AMD1: variants seen among roughly 807,000 people sequenced by gnomAD.
The protein encoded by AMD1 is adenosylmethionine decarboxylase 1.
In AMD1, 11 loss-of-function variants were observed where a neutral mutation model predicts 40.2. The observed-to-expected ratio is 0.27, with a 90% CI of 0.17 to 0.45. The LOEUF (loss-of-function observed/expected upper bound fraction) is 0.45. Among genes scored for constraint, AMD1 ranks in the 20% least tolerant of loss-of-function variants. AMD1 has a pLI of 1.00. For missense variants in AMD1, 257 were observed against 410.2 expected, an observed-to-expected ratio of 0.63 and a Z score of 3.23; for synonymous variants, 121 against 130.8, an observed-to-expected ratio of 0.93 and a Z score of 0.51.
At chr6:110,840,556 G>A in the AMD1 span, among the ~76,000 whole-genome samples, 4 of 152,068 alleles carry the variant, frequency 2.6e-5, no homozygotes, top group Non-Finnish European at 5.9e-5. Context: ...GTGGGGGAAG[G>A]GGCTCAGAGC....
chr6:110,854,183 T>G, the AMD1 span, among the ~76,000 whole-genome samples: 7 of 152,246 alleles, frequency 4.6e-5, no homozygotes, highest in Admixed American at 1.3e-4. Flanking sequence ...CAATGGAAGA[T>G]GCAGAACACA....
In AMD1 at chr6:110,893,612, G is replaced by C. The variant is rs1190982545; in HGVS notation, c.1001G>C (p.Ser334Thr). 1 of 1,612,536 alleles carries C rather than the reference G, an allele frequency of 6.2e-7. No individual in the cohort carries two copies. The highest frequency in any genetic ancestry group is 1.1e-5 in the South Asian group (1 of 91,014). ...SFAKKQQQQQ[S>T] ...GCTAAGAAGCAGCAACAACAGCAGA[G>C]TTGATTAAGAAAAATGAAGAAAAAA... The change falls in exon 9 of 9, where the codon AGT becomes ACT. Residue 334 changes from serine (S) to threonine (T), a missense_variant. Physicochemically the swap from Ser to Thr is moderately conservative, Grantham distance 58. Transcript: ENST00000368885.
intron 1 of AMD1, among the ~76,000 whole-genome samples, chr6:110,883,350 G>A (rs541467776): frequency 3.5e-4 from 53 of 152,290 alleles, no homozygotes; most frequent in African/African-American, 1.2e-3. Context: ...TCTCCTCGCT[G>A]ATTTCTCCTG....
chr6:110,878,386 T>G (rs1212853183), intron 1 of AMD1, among the ~76,000 whole-genome samples: 1 of 152,246 alleles, frequency 6.6e-6, no homozygotes, highest in Admixed American at 6.5e-5. Flanking sequence ...TACTAAACAC[T>G]GCTTCCCTCT....
chr6:110,857,481 C>T, the AMD1 span, among the ~76,000 whole-genome samples: 7 of 149,854 alleles, frequency 4.7e-5, 1 homozygote. Flanking sequence ...TGTGGAGAGC[C>T]GAGATTGTGC....
chr6:110,836,862 A>C, the AMD1 span, among the ~76,000 whole-genome samples: 4 of 152,050 alleles, frequency 2.6e-5, no homozygotes, highest in Non-Finnish European at 5.9e-5. Context: ...GATATGAAAC[A>C]ATGTTTTCAG....
chr6:110,878,738 C>T (rs2115276667), intron 1 of AMD1, among the ~76,000 whole-genome samples: 1 of 152,210 alleles, frequency 6.6e-6, no homozygotes, highest in Non-Finnish European at 1.5e-5. Flanking sequence ...AGAAGGAAAT[C>T]TGTTAGAAAA....
the AMD1 span, among the ~76,000 whole-genome samples, chr6:110,837,737 AAAAAAAAAATATAT>A: frequency 1.0e-5 from 1 of 98,452 alleles, no homozygotes. Flanking sequence ...AAAAAAAAAA[AAAAAAAAAATATAT>A]ATATATATAT....
the AMD1 span, among the ~76,000 whole-genome samples, chr6:110,843,825 C>T: frequency 3.9e-5 from 6 of 152,118 alleles, no homozygotes; most frequent in African/African-American, 1.2e-4. Context: ...TGAGCTCAAG[C>T]GATCTGCCTG....
Position 110,875,007 on chromosome 6 carries a change from A to G in AMD1, c.-99A>G. 1.2e-6 allele frequency: 1 copy of G among 821,556 alleles called. No individual in the cohort carries two copies. The highest frequency in any genetic ancestry group is 1.9e-6 in the Non-Finnish European group (1 of 517,254). 50.9% of individuals were successfully genotyped at this position (821,556 alleles called of 1,614,324 possible). A position where few individuals can be genotyped will look rare whatever the true frequency, so the allele number is the denominator to read the frequency against. On this transcript the variant is annotated 5_prime_UTR_variant, in exon 1 of 9. Transcript: ENST00000368885. Reference sequence around the variant, plus strand: ...AAAAAGGAACCTGAACTTTAGTAACACAGCTGGAACAATCCGCAGCGGCGG... The same window carrying G: ...AAAAAGGAACCTGAACTTTAGTAACGCAGCTGGAACAATCCGCAGCGGCGG...
At chr6:110,890,012 A>AG (rs1785922044) in intron 3 of AMD1, 3 of 385,088 alleles carry the variant, frequency 7.8e-6, no homozygotes, top group Admixed American at 4.4e-5. Flanking sequence ...TTTTTAAAAA[A>AG]AAGAGAGAGA....
chr6:110,858,227 C>T, the AMD1 span: 6 of 854,960 alleles, frequency 7.0e-6, no homozygotes, highest in African/African-American at 1.7e-5. Context: ...CCTGCCGCAG[C>T]GCGCGCCAGC....
At chr6:110,820,229 T>C in the AMD1 span, among the ~76,000 whole-genome samples, 1 of 147,344 alleles carries the variant, frequency 6.8e-6, no homozygotes, top group Non-Finnish European at 1.5e-5. Flanking sequence ...AAATTCTTTC[T>C]TTCTTTCTTT....
the AMD1 span, among the ~76,000 whole-genome samples, chr6:110,824,340 A>G: frequency 3.9e-5 from 6 of 152,206 alleles, no homozygotes; most frequent in East Asian, 1.9e-4. Flanking sequence ...AAAATACTGT[A>G]TGTTCCCACT....
intron 4 of AMD1, 117 bp downstream of exon 4, chr6:110,890,473 C>T: frequency 1.4e-6 from 1 of 729,042 alleles, no homozygotes; most frequent in South Asian, 1.8e-5. Flanking sequence ...CACACTAATA[C>T]TTGCTTTTCT....
the AMD1 span, among the ~76,000 whole-genome samples, chr6:110,840,088 G>A: frequency 3.5e-5 from 5 of 142,230 alleles, no homozygotes; most frequent in African/African-American, 1.3e-4. Context: ...GTGCGATCTC[G>A]GCTCACTGCA....
chr6:110,861,799 G>T, the AMD1 span, among the ~76,000 whole-genome samples: 21,737 of 151,796 alleles, frequency 0.14, 1,698 homozygotes, highest in East Asian at 0.31. Context: ...CCAAGATTGC[G>T]CCACTGCACT....
At chr6:110,840,961 C>T in the AMD1 span, among the ~76,000 whole-genome samples, 1 of 152,204 alleles carries the variant, frequency 6.6e-6, no homozygotes, top group African/African-American at 2.4e-5. Context: ...GTCATAGGCA[C>T]TCTTTTATAA....
chr6:110,847,012 T>C, the AMD1 span, among the ~76,000 whole-genome samples: 1 of 152,050 alleles, frequency 6.6e-6, no homozygotes, highest in African/African-American at 2.4e-5. Context: ...TGCATATCAA[T>C]TAGGATTCTA....
Sources: gnomAD v4.1 joint callset for allele counts (sites outside exome capture counted in the v4.1 genomes callset) on GRCh38, gnomAD v4.1.1 for gene constraint, MANE v1.5 for transcripts, NCBI Gene and HGNC (gene_info 2026-07-23, HGNC 2026-07-21) for gene names.